GNG4: variants seen among roughly 807,000 people sequenced by gnomAD.
The protein encoded by GNG4 is G protein subunit gamma 4.
GNG4 carries 4 observed loss-of-function variants against 5.8 expected under a neutral mutation model. The ratio of observed to expected loss-of-function variants is 0.69; its 90% CI spans 0.34 to 1.57. The LOEUF (loss-of-function observed/expected upper bound fraction) is 1.57, where lower values mean the gene tolerates loss of function less well. Among genes scored for constraint, GNG4 ranks in the 40% most tolerant of loss-of-function variants. GNG4 has a pLI of 0.06. For missense variants in GNG4, 96 were observed against 95.1 expected (o/e 1.01, Z -0.04); for synonymous variants, 29 against 32.9 (o/e 0.88, Z 0.41).
chr1:235,647,798 C>T (rs1235369723), intron 1 of GNG4, among the ~76,000 whole-genome samples: 1 of 152,162 alleles, frequency 6.6e-6, no homozygotes, highest in Non-Finnish European at 1.5e-5. Flanking sequence ...CCACGCCCGC[C>T]TAATTTTTTG....
At chr1:235,603,055 C>A (rs1688288545) in intron 1 of GNG4, among the ~76,000 whole-genome samples, 1 of 152,018 alleles carries the variant, frequency 6.6e-6, no homozygotes, top group African/African-American at 2.4e-5. Context: ...TCAGCCTGGC[C>A]AACATAGTGA....
intron 2 of GNG4, among the ~76,000 whole-genome samples, chr1:235,594,410 G>C (rs1260081637): frequency 1.3e-5 from 2 of 152,252 alleles, no homozygotes; most frequent in Non-Finnish European, 2.9e-5. Context: ...GGAGCTGCCT[G>C]CCAGTCCCAT....
rs530235768 is a variant in GNG4 at position 235,613,908 on chromosome 1, G to T, written c.-122-18397C>A. Among the ~76,000 whole-genome samples the T allele has an allele frequency of 4.6e-5, 7 of 152,264 alleles. 1 individual carries two copies. In the South Asian group the frequency reaches 1.5e-3, roughly 32 times the overall value. ...TAAGGCTGGCAATCTTCACCTCCTG[G>T]GTTCAAGTGATCCTCCCACCTCAGC... is the stretch of plus-strand genomic sequence containing the variant. On this transcript the variant is annotated intron_variant, in intron 1 of 3. Coordinates refer to ENST00000391854, the MANE Select transcript of GNG4 (RefSeq NM_001098722.2).
intron 1 of GNG4, chr1:235,615,372 C>A: frequency 6.5e-6 from 1 of 153,314 alleles, no homozygotes; most frequent in South Asian, 2.0e-4. Context: ...TCATGCTGTT[C>A]AATGCTGGGA....
intron 3 of GNG4, among the ~76,000 whole-genome samples, chr1:235,574,579 G>A (rs1558480552): frequency 6.6e-6 from 1 of 152,086 alleles, no homozygotes; most frequent in East Asian, 1.9e-4. Flanking sequence ...TTTATTTATG[G>A]TTTTAAATAA....
At chr1:235,630,598 C>T (rs965892197) in intron 1 of GNG4, among the ~76,000 whole-genome samples, 2 of 152,196 alleles carry the variant, frequency 1.3e-5, no homozygotes, top group African/African-American at 2.4e-5. Flanking sequence ...GCCTGTCATA[C>T]GCAAGTCCTG....
At chr1:235,634,671 A>G (rs533629592) in intron 1 of GNG4, among the ~76,000 whole-genome samples, 184 of 152,342 alleles carry the variant, frequency 1.2e-3, no homozygotes, top group Non-Finnish European at 2.2e-3. Flanking sequence ...GGCTGGACGC[A>G]GTGGCTCACG....
intron 1 of GNG4, among the ~76,000 whole-genome samples, chr1:235,608,448 A>G (rs774493538): frequency 6.6e-6 from 1 of 152,196 alleles, no homozygotes; most frequent in Non-Finnish European, 1.5e-5. Flanking sequence ...CACCAACACT[A>G]TTTAGTTCCA....
At chr1:235,571,567 T>A (rs967291004) in intron 3 of GNG4, among the ~76,000 whole-genome samples, 3 of 152,220 alleles carry the variant, frequency 2.0e-5, no homozygotes, top group African/African-American at 7.2e-5. Context: ...ACACACACAT[T>A]ACTGATAAAA....
rs939145813 is a variant in GNG4, at chr1:235,649,580, C to T, written c.-123+82G>A. ...CTCCCTAGGTCCGGAGACTTTCACCCCGAGTTTCCCTTCCGCGTCTGGCTG... is the reference window on the plus strand; with the variant it reads ...CTCCCTAGGTCCGGAGACTTTCACCTCGAGTTTCCCTTCCGCGTCTGGCTG... On this transcript the variant is annotated intron_variant, in intron 1 of 3. Coordinates refer to ENST00000391854, the MANE Select transcript of GNG4 (RefSeq NM_001098722.2). This position sits in a 1 kb window ranked among gnomAD's most constrained non-coding sequence, Gnocchi z 5.7. 6.6e-6 allele frequency: 1 copy of T among 152,284 alleles called. No individual in the cohort carries two copies. The highest frequency in any genetic ancestry group is 2.4e-5 in the African/African-American group (1 of 41,462). The allele number at this position is 152,284 out of a possible 1,614,324, so 9.4% of individuals were successfully genotyped here.
At chr1:235,647,887 C>T (rs1242160314) in intron 1 of GNG4, among the ~76,000 whole-genome samples, 1 of 152,172 alleles carries the variant, frequency 6.6e-6, no homozygotes, top group East Asian at 1.9e-4. Context: ...CTGCCTGCCT[C>T]GGCCTCTGAA....
At chr1:235,625,061 A>G (rs926034796) in intron 1 of GNG4, among the ~76,000 whole-genome samples, 6 of 151,958 alleles carry the variant, frequency 3.9e-5, no homozygotes, top group African/African-American at 1.5e-4. Flanking sequence ...GTTTCCAAGA[A>G]GCAGGTCAGG....
intron 2 of GNG4, among the ~76,000 whole-genome samples, chr1:235,584,743 A>G (rs1687720794): frequency 6.6e-6 from 1 of 152,212 alleles, no homozygotes; most frequent in South Asian, 2.1e-4. Context: ...GCCTAAAACT[A>G]AAGCCTGAGA....
chr1:235,609,676 G>T (rs939913352), intron 1 of GNG4, among the ~76,000 whole-genome samples: 10 of 152,118 alleles, frequency 6.6e-5, no homozygotes, highest in Non-Finnish European at 1.2e-4. Flanking sequence ...ACTTTGAGAG[G>T]CCAAGGCAGG....
At chr1:235,553,792 C>A (rs566365094) in intron 3 of GNG4, among the ~76,000 whole-genome samples, 180 of 152,302 alleles carry the variant, frequency 1.2e-3, no homozygotes, top group Middle Eastern at 0.01. Context: ...TACCCCCGCC[C>A]GTAAGCTAGC....
chr1:235,560,265 T>C (rs1055198569), intron 3 of GNG4, among the ~76,000 whole-genome samples: 3 of 152,166 alleles, frequency 2.0e-5, no homozygotes, highest in African/African-American at 7.2e-5. Flanking sequence ...GCGAGCATGT[T>C]AGGAGGTGAG....
intron 1 of GNG4, among the ~76,000 whole-genome samples, chr1:235,628,140 A>G (rs536345413): frequency 2.2e-4 from 34 of 152,304 alleles, no homozygotes; most frequent in African/African-American, 6.7e-4. Flanking sequence ...AGATTGTGCC[A>G]TCGCACTCCA....
At chr1:235,560,305 G>A (rs1687024701) in intron 3 of GNG4, among the ~76,000 whole-genome samples, 1 of 152,156 alleles carries the variant, frequency 6.6e-6, no homozygotes. Context: ...GGTGATGAGG[G>A]CTCTGTTCTC....
At chr1:235,586,401 T>C (rs1687761359) in intron 2 of GNG4, among the ~76,000 whole-genome samples, 1 of 152,216 alleles carries the variant, frequency 6.6e-6, no homozygotes, top group African/African-American at 2.4e-5. Context: ...TGTGCTGATG[T>C]GTGTCTGCGT....
Sources: gnomAD v4.1 joint callset for allele counts (sites outside exome capture counted in the v4.1 genomes callset) on GRCh38, gnomAD v4.1.1 for gene constraint, Gnocchi (gnomAD v3.1) non-coding constraint, MANE v1.5 for transcripts, NCBI Gene and HGNC (gene_info 2026-07-23, HGNC 2026-07-21) for gene names.